PDE4B: variants seen among roughly 807,000 people sequenced by gnomAD.
The protein encoded by PDE4B is 3',5'-cyclic-AMP phosphodiesterase 4B.
Under a neutral mutation model 82.2 loss-of-function variants are expected in PDE4B, and 20 were observed. That is an observed-to-expected ratio of 0.24 (90% CI 0.17 to 0.35). PDE4B has a LOEUF of 0.35. Among genes scored for constraint, PDE4B ranks in the 10% least tolerant of loss-of-function variants. The pLI, the probability that PDE4B is intolerant of heterozygous loss-of-function variation, is 1.00. For synonymous variants in PDE4B, 320 were observed against 318.9 expected (o/e 1.00, Z -0.04); for missense variants, 655 against 907.2 (o/e 0.72, Z 3.57).
intron 3 of PDE4B, among the ~76,000 whole-genome samples, chr1:66,175,338 A>G (rs1382167235): frequency 6.6e-6 from 1 of 152,172 alleles, no homozygotes; most frequent in Non-Finnish European, 1.5e-5. Context: ...ATTAGGTTAC[A>G]GTCCTATGTG....
intron 7 of PDE4B, among the ~76,000 whole-genome samples, chr1:66,320,492 G>A (rs1408588685): frequency 1.3e-5 from 2 of 152,254 alleles, no homozygotes; most frequent in Admixed American, 1.3e-4. Flanking sequence ...GTAAAAAGAA[G>A]GTGATTTGTT....
intron 1 of PDE4B, among the ~76,000 whole-genome samples, chr1:65,849,594 G>A (rs530665781): frequency 3.3e-5 from 5 of 152,190 alleles, no homozygotes; most frequent in East Asian, 3.9e-4. Flanking sequence ...CTATGGGCCC[G>A]GGAGGAAGCT....
At chr1:66,325,015 A>G (rs1436588350) in intron 7 of PDE4B, among the ~76,000 whole-genome samples, 1 of 152,014 alleles carries the variant, frequency 6.6e-6, no homozygotes, top group Non-Finnish European at 1.5e-5. Flanking sequence ...AAATAAATAG[A>G]TAAATAGGCC....
At chr1:66,212,044 C>G (rs970168200) in intron 3 of PDE4B, among the ~76,000 whole-genome samples, 1 of 152,182 alleles carries the variant, frequency 6.6e-6, no homozygotes, top group African/African-American at 2.4e-5. Context: ...TTATTCTCTG[C>G]CCTCTTTGTG....
chr1:66,323,664 T>C (rs1407010852), intron 7 of PDE4B, among the ~76,000 whole-genome samples: 1 of 152,304 alleles, frequency 6.6e-6, no homozygotes, highest in East Asian at 1.9e-4. Flanking sequence ...ATTTATTTAT[T>C]TGTTAACCAG....
chr1:66,081,669 A>G (rs1389719197), intron 3 of PDE4B, among the ~76,000 whole-genome samples: 1 of 152,134 alleles, frequency 6.6e-6, no homozygotes, highest in Non-Finnish European at 1.5e-5. Flanking sequence ...ATGAACTAGT[A>G]GAAAGTGTCC....
At chr1:65,942,657 G>C (rs571989390) in intron 3 of PDE4B, among the ~76,000 whole-genome samples, 167 of 151,856 alleles carry the variant, frequency 1.1e-3, no homozygotes, top group African/African-American at 3.9e-3. Context: ...ACTGTAAAAG[G>C]GTTTCTTTTT....
intron 3 of PDE4B, among the ~76,000 whole-genome samples, chr1:66,133,598 G>A (rs571870631): frequency 6.6e-6 from 1 of 152,282 alleles, no homozygotes; most frequent in African/African-American, 2.4e-5. Context: ...AGGCTGACTT[G>A]ACCATAAGAA....
chr1:65,939,887 C>T (rs893479941), intron 3 of PDE4B, among the ~76,000 whole-genome samples: 29 of 152,172 alleles, frequency 1.9e-4, no homozygotes, highest in Admixed American at 1.8e-3. Flanking sequence ...ATATCTCATC[C>T]TATGTCTCAT....
chr1:66,194,659 A>G (rs1648129212), intron 3 of PDE4B, among the ~76,000 whole-genome samples: 1 of 152,146 alleles, frequency 6.6e-6, no homozygotes, highest in African/African-American at 2.4e-5. Context: ...GGACTTAATG[A>G]GCAAGTATAT....
chr1:66,216,390 G>A (rs372207447), intron 3 of PDE4B, among the ~76,000 whole-genome samples: 2 of 107,568 alleles, frequency 1.9e-5, no homozygotes, highest in African/African-American at 3.0e-5. Context: ...ATAAAAAGTC[G>A]TTCTTAATTT....
intron 7 of PDE4B, among the ~76,000 whole-genome samples, chr1:66,309,686 G>T (rs1407941247): frequency 2.0e-5 from 3 of 152,092 alleles, no homozygotes; most frequent in African/African-American, 7.2e-5. Context: ...CTGGAGGCAA[G>T]TTATTAATCT....
At chr1:66,312,303 T>A (rs1331178343) in intron 7 of PDE4B, among the ~76,000 whole-genome samples, 1 of 152,222 alleles carries the variant, frequency 6.6e-6, no homozygotes, top group African/African-American at 2.4e-5. Flanking sequence ...ACAAACTTAG[T>A]GGCTTAAAAC....
At chr1:65,887,081 A>G (rs943567133) in intron 1 of PDE4B, among the ~76,000 whole-genome samples, 3 of 151,650 alleles carry the variant, frequency 2.0e-5, no homozygotes, top group Admixed American at 2.0e-4. Flanking sequence ...ATTATATCAC[A>G]TTGTGGTTTC....
Position 66,331,406 on chromosome 1 carries a change from G to A in PDE4B, c.635-1102G>A, listed in dbSNP as rs547602482. Among the ~76,000 whole-genome samples the A allele has an allele frequency of 5.3e-5, 8 of 152,200 alleles. No homozygotes were observed. In the South Asian group the frequency reaches 1.7e-3, roughly 32 times the overall value. ...CTCTGTAGCTTCATTAATTCATCTA[G>A]CATTTATAAAGTTATTTCAGTGCTT... is the stretch of plus-strand genomic sequence containing the variant. On this transcript the variant is annotated intron_variant, in intron 7 of 16. Transcript: ENST00000341517.
chr1:65,928,317 G>A (rs1647624534), intron 3 of PDE4B, among the ~76,000 whole-genome samples: 1 of 152,178 alleles, frequency 6.6e-6, no homozygotes, highest in African/African-American at 2.4e-5. Context: ...CGACCTAGAA[G>A]TTTTCTGCTA....
chr1:66,355,675 T>A, intron 9 of PDE4B, 55 bp downstream of exon 9: 1 of 1,009,504 alleles, frequency 9.9e-7, no homozygotes, highest in Non-Finnish European at 1.5e-6. Context: ...CAGAATTAAT[T>A]TCTACAACCT....
intron 1 of PDE4B, among the ~76,000 whole-genome samples, chr1:65,860,557 T>C (rs1646443077): frequency 6.6e-6 from 1 of 152,242 alleles, no homozygotes; most frequent in African/African-American, 2.4e-5. Context: ...TTTGGGTATA[T>C]ACCCAGTAAT....
chr1:66,148,427 C>G (rs191727689), intron 3 of PDE4B, among the ~76,000 whole-genome samples: 3 of 152,222 alleles, frequency 2.0e-5, no homozygotes, highest in Non-Finnish European at 2.9e-5. Flanking sequence ...TATGCCGATT[C>G]TATTTCACAC....
Sources: gnomAD v4.1 joint callset for allele counts (sites outside exome capture counted in the v4.1 genomes callset) on GRCh38, gnomAD v4.1.1 for gene constraint, MANE v1.5 for transcripts, NCBI Gene and HGNC (gene_info 2026-07-23, HGNC 2026-07-21) for gene names.